The following FAT1 variants were observed in gnomAD, a reference collection of about 807,000 sequenced individuals.
FAT1 encodes the protein FAT atypical cadherin 1.
FAT1 carries 171 observed loss-of-function variants against 329.8 expected under a neutral mutation model. That is an observed-to-expected ratio of 0.52 (90% CI 0.46 to 0.59). The LOEUF (loss-of-function observed/expected upper bound fraction) is 0.59. Ranked by LOEUF, FAT1 falls within the 20% of genes least tolerant of loss-of-function variation. The probability of loss-of-function intolerance (pLI) is 0.00; values close to 1 mark genes in which losing one functional copy is unlikely to be tolerated. For missense variants in FAT1, 5,672 were observed against 5,774.4 expected, an observed-to-expected ratio of 0.98 and a Z score of 0.57; for synonymous variants, 2,233 against 2,228.6, an observed-to-expected ratio of 1.00 and a Z score of -0.06.
In FAT1 at chr4:186,708,302, G is replaced by C. The variant is rs780796862; in HGVS notation, c.1526C>G (p.Pro509Arg). The change falls in exon 2 of 27, where the codon CCG becomes CGG. Residue 509 changes from proline to arginine, a missense_variant. Around this residue, in one of 2 missense-constraint regions of FAT1, gnomAD observed 3,966 missense variants for 3,915.2 expected, o/e 1.01. Coordinates refer to ENST00000441802, the MANE Select transcript of FAT1 (RefSeq NM_005245.4). Reference sequence around the variant, plus strand: ...ACCAGTGAAATGGTCAATCGCAAACGGCACATGATTTAAATTTGCGATACT... The same window carrying C: ...ACCAGTGAAATGGTCAATCGCAAACCGCACATGATTTAAATTTGCGATACT... ...TYSIANLNHV[P>R]FAIDHFTGAV... 2 of 1,613,920 alleles carry C rather than the reference G, an allele frequency of 1.2e-6. No individual in the cohort carries two copies. Among genetic ancestry groups the C allele is most frequent in the African/African-American group, 2.7e-5 (2 of 75,010 alleles).
intron 7 of FAT1, 36 bp downstream of exon 7, chr4:186,633,645 ATCC>A (rs771216190): frequency 1.2e-6 from 2 of 1,612,558 alleles, no homozygotes; most frequent in African/African-American, 2.7e-5. Flanking sequence ...CGTTATCTCC[ATCC>A]TCCTCTGACA....
In FAT1 at chr4:186,593,680, G is replaced by A. The variant is rs1738349492; in HGVS notation, c.13138+2009C>T. On this transcript the variant is annotated intron_variant, in intron 26 of 26. Coordinates refer to ENST00000441802, the MANE Select transcript of FAT1 (RefSeq NM_005245.4). ...GTCTCTGAGATGGAAGAAACCAAGA[G>A]CCAAAGAATGTGGGCAGCCTCTAAA... Among the ~76,000 whole-genome samples, 4 of 152,180 alleles carry A rather than the reference G, an allele frequency of 2.6e-5. No individual in the cohort carries two copies. In the South Asian group the frequency reaches 8.3e-4, roughly 32 times the overall value.
intron 2 of FAT1, 61 bp from the exon 3 acceptor site, chr4:186,663,674 A>G (rs1560976249): frequency 1.5e-6 from 2 of 1,365,546 alleles, no homozygotes; most frequent in East Asian, 2.4e-5. Context: ...CCAGCTTCAG[A>G]AAGTGTCAAC....
chr4:186,711,127 T>C (rs1203901433), intron 1 of FAT1, among the ~76,000 whole-genome samples: 2 of 152,226 alleles, frequency 1.3e-5, no homozygotes, highest in African/African-American at 4.8e-5. Context: ...GAGGGTGGGT[T>C]TGACAGCCCA....
chr4:186,638,133 A>G (rs545164944), intron 4 of FAT1, among the ~76,000 whole-genome samples: 6 of 152,352 alleles, frequency 3.9e-5, no homozygotes, highest in South Asian at 2.1e-4. Context: ...AGCCAAATCA[A>G]TGCCAGCACT....
At chr4:186,704,885 A>G (rs1344529853) in intron 2 of FAT1, among the ~76,000 whole-genome samples, 1 of 152,102 alleles carries the variant, frequency 6.6e-6, no homozygotes, top group African/African-American at 2.4e-5. Context: ...TAACCAACAG[A>G]GAAAGAATTC....
rs764425928 is a variant in FAT1 at position 186,636,930 on chromosome 4, T to C, written c.3643-16A>G. On this transcript the variant is annotated splice_polypyrimidine_tract_variant and intron_variant, in intron 4 of 26. Coordinates refer to ENST00000441802, the MANE Select transcript of FAT1 (RefSeq NM_005245.4). ...TCACAGTAACCTGTTTTTTTAAAGT[T>C]AACAGATTAACATGTTAAGATATAC... 9.5e-6 allele frequency: 15 copies of C among 1,571,102 alleles called. No homozygotes were observed. The highest frequency in any genetic ancestry group is 1.9e-5 in the Admixed American group (1 of 53,312).
At position 186,589,124 on chromosome 4, in the gene FAT1, AGG is replaced by A; in HGVS notation, c.13233_13234del (p.Leu4412ValfsTer22). The A allele has an allele frequency of 6.2e-7, 1 of 1,613,886 alleles. No homozygotes were observed. The highest frequency in any genetic ancestry group is 8.5e-7 in the Non-Finnish European group (1 of 1,179,864). ...GATGGCGTTTGGATCTGCTGAGTAC[AGG>A]GGTGTCTGCTCATCAATCACCTCAT... On this transcript the variant is annotated frameshift_variant, in exon 27 of 27. Transcript: ENST00000441802. LOFTEE classifies it high-confidence loss of function.
intron 11 of FAT1, among the ~76,000 whole-genome samples, chr4:186,615,850 C>T (rs367775288): frequency 1.3e-5 from 2 of 152,118 alleles, no homozygotes; most frequent in East Asian, 3.9e-4. Context: ...CACACCTTTC[C>T]CTAATACCCA....
In FAT1 at chr4:186,618,703, T is replaced by A. The variant is rs779627296; in HGVS notation, c.7883A>T (p.Asn2628Ile). ...TTCAATGGCATAGGTGATGTCGGCA[T>A]TGGAGCCCTCATCGGCATCACTTGC... ...VLASDADEGS[N>I]ADITYAIEAD... The change falls in exon 10 of 27, where the codon AAT becomes ATT. Residue 2628 changes from asparagine (N) to isoleucine (I), a missense_variant. This residue lies in a region of FAT1 where 3,966 missense variants were observed against 3,915.2 expected (regional missense o/e 1.01). Transcript: ENST00000441802. 6.2e-7 allele frequency: 1 copy of A among 1,614,046 alleles called. No homozygotes were observed. Among genetic ancestry groups the A allele is most frequent in the South Asian group, 1.1e-5 (1 of 91,084 alleles).
chr4:186,646,295 T>C (rs975989247), intron 3 of FAT1, among the ~76,000 whole-genome samples: 5 of 152,278 alleles, frequency 3.3e-5, no homozygotes, highest in Non-Finnish European at 5.9e-5. Context: ...TACCTTCCTT[T>C]TACTCTGATT....
intron 2 of FAT1, among the ~76,000 whole-genome samples, chr4:186,697,511 G>T (rs1361306867): frequency 6.6e-6 from 1 of 152,200 alleles, no homozygotes; most frequent in African/African-American, 2.4e-5. Flanking sequence ...TGAAACAGGT[G>T]TATAAAGAAC....
Position 186,708,519 on chromosome 4 carries a change from C to T in FAT1, c.1309G>A (p.Glu437Lys), listed in dbSNP as rs1253141344. 9 of 1,613,946 alleles carry T rather than the reference C, an allele frequency of 5.6e-6. No individual in the cohort carries two copies. Among genetic ancestry groups the T allele is most frequent in the Non-Finnish European group, 7.6e-6 (9 of 1,179,888 alleles). The change falls in exon 2 of 27, where the codon GAA becomes AAA. Residue 437 changes from glutamate (E) to lysine (K), a missense_variant. Glu to Lys is a moderately conservative substitution (Grantham distance 56). Transcript: ENST00000441802. The part of the protein sequence containing the change: ...KRQQAAHFEL[E>K]VTTSDRKAST... The stretch of plus-strand genomic sequence containing the variant: ...GCTTTTCTGTCACTTGTTGTTACTT[C>T]AAGTTCAAAATGGGCTGCCTGCTGT...
At chr4:186,722,049 GT>G (rs1322717537) in intron 1 of FAT1, among the ~76,000 whole-genome samples, 2 of 152,098 alleles carry the variant, frequency 1.3e-5, no homozygotes, top group Non-Finnish European at 2.9e-5. Flanking sequence ...TGTTGGTCAG[GT>G]TGGTCTCGGA....
Position 186,620,984 on chromosome 4 carries a change from G to A in FAT1, c.5602C>T (p.His1868Tyr), listed in dbSNP as rs1740016322. 6.2e-7 allele frequency: 1 copy of A among 1,613,218 alleles called. No individual in the cohort carries two copies. Residue 1868 changes from histidine to tyrosine, a missense_variant, in exon 10 of 27, where the codon CAT (histidine) becomes TAT (tyrosine). Transcript: ENST00000441802. ...GGGCAGTCATTAATGTCAATTACAT[G>A]TACTGTTACATTCGCTGCATACTCA... ...FAEYAANVTV[H>Y]VIDINDCPPV...
At chr4:186,645,399 ATATATATAT>A (rs1741314005) in intron 3 of FAT1, among the ~76,000 whole-genome samples, 1 of 102,134 alleles carries the variant, frequency 9.8e-6, no homozygotes, top group Admixed American at 1.0e-4. Flanking sequence ...ATATATATAT[ATATATATAT>A]ATATATATAT....
At chr4:186,700,953 CA>C (rs1744279006) in intron 2 of FAT1, among the ~76,000 whole-genome samples, 1 of 152,142 alleles carries the variant, frequency 6.6e-6, no homozygotes, top group Non-Finnish European at 1.5e-5. Context: ...CCCACACCTC[CA>C]GGTCCCGGCC....
intron 2 of FAT1, among the ~76,000 whole-genome samples, chr4:186,670,978 T>C (rs1742699760): frequency 6.6e-6 from 1 of 152,188 alleles, no homozygotes; most frequent in South Asian, 2.1e-4. Flanking sequence ...TCATGTAAGA[T>C]GTCAACAACG....
intron 2 of FAT1, among the ~76,000 whole-genome samples, chr4:186,680,079 T>C (rs1179640877): frequency 6.6e-6 from 1 of 152,196 alleles, no homozygotes; most frequent in Non-Finnish European, 1.5e-5. Context: ...ATATCCCAAA[T>C]ATCCCAACAC....
Sources: allele counts gnomAD v4.1 joint callset (sites outside exome capture counted in the v4.1 genomes callset), GRCh38; gene constraint gnomAD v4.1.1; regional missense constraint gnomAD v4.1.1; transcripts MANE v1.5; gene names NCBI Gene and HGNC (gene_info 2026-07-23, HGNC 2026-07-21).